ITSN1: variants seen among roughly 807,000 people sequenced by gnomAD.
ITSN1 encodes the protein intersectin-1.
A neutral mutation model predicts 239.8 loss-of-function variants in ITSN1; 58 were observed. That is an observed-to-expected ratio of 0.24 (90% CI 0.20 to 0.30). ITSN1 has a LOEUF of 0.30. Ranked by LOEUF, ITSN1 falls within the 10% of genes least tolerant of loss-of-function variation. The probability of loss-of-function intolerance (pLI) is 1.00; values close to 1 mark genes in which losing one functional copy is unlikely to be tolerated. For missense variants in ITSN1, 1,558 were observed against 2,103.3 expected (o/e 0.74, Z 5.07); for synonymous variants, 780 against 770.8 (o/e 1.01, Z -0.20).
At chr21:33,682,435 G>A (rs958809579) in intron 1 of ITSN1, among the ~76,000 whole-genome samples, 72 of 151,656 alleles carry the variant, frequency 4.7e-4, no homozygotes, top group African/African-American at 1.5e-3. Flanking sequence ...GGCTGGTCTC[G>A]AACTCCCGAC....
chr21:33,713,432 C>T (rs184936543), intron 1 of ITSN1, among the ~76,000 whole-genome samples: 3 of 151,926 alleles, frequency 2.0e-5, no homozygotes, highest in East Asian at 2.0e-4. Flanking sequence ...TTAGTAGAGA[C>T]GGGGTTTCAC....
intron 1 of ITSN1, among the ~76,000 whole-genome samples, chr21:33,710,846 G>A (rs536139298): frequency 1.2e-4 from 17 of 147,126 alleles, no homozygotes; most frequent in African/African-American, 2.0e-4. Flanking sequence ...TTGCTCCGTC[G>A]CCAGGCTGGA....
chr21:33,810,263 A>G (rs1227488842), intron 20 of ITSN1, among the ~76,000 whole-genome samples: 1 of 152,230 alleles, frequency 6.6e-6, no homozygotes, highest in African/African-American at 2.4e-5. Context: ...GGCGTAATAA[A>G]TGGCCTCTGT....
At chr21:33,877,069 T>TTTTTTTTTTTTTTG (rs1363120823) in intron 34 of ITSN1, among the ~76,000 whole-genome samples, 2 of 143,908 alleles carry the variant, frequency 1.4e-5, no homozygotes, top group Admixed American at 6.9e-5. Context: ...CTTTTTTTTT[T>TTTTTTTTTTTTTTG]TTGAAATGGA....
chr21:33,795,930 G>A (rs1457064656), intron 17 of ITSN1, among the ~76,000 whole-genome samples: 1 of 149,250 alleles, frequency 6.7e-6, no homozygotes, highest in Non-Finnish European at 1.5e-5. Flanking sequence ...ACCTTCATTG[G>A]TAGAAAATAT....
At chr21:33,755,158 G>A (rs760987556) in intron 7 of ITSN1, 139 bp from the exon 8 acceptor site, 18 of 494,240 alleles carry the variant, frequency 3.6e-5, no homozygotes, top group Non-Finnish European at 6.1e-5. Context: ...AAAATCAGAA[G>A]TAGTGATAAT....
At chr21:33,838,828 G>A (rs571301668) in intron 29 of ITSN1, among the ~76,000 whole-genome samples, 4 of 152,166 alleles carry the variant, frequency 2.6e-5, no homozygotes, top group African/African-American at 9.7e-5. Flanking sequence ...ATTTGGCTCA[G>A]GGTACAAACC....
chr21:33,858,828 C>A, intron 31 of ITSN1, 36 bp downstream of exon 31: 1 of 1,280,300 alleles, frequency 7.8e-7, no homozygotes, highest in South Asian at 1.2e-5. Flanking sequence ...CTGGCTTGGC[C>A]TCCTCGGCTC....
chr21:33,729,388 C>T (rs1216975241), intron 4 of ITSN1, among the ~76,000 whole-genome samples: 2 of 151,448 alleles, frequency 1.3e-5, no homozygotes, highest in Non-Finnish European at 2.9e-5. Context: ...TTCAAGCCTG[C>T]ATTGCGCTAT....
chr21:33,809,193 T>G (rs1255922438), intron 20 of ITSN1, among the ~76,000 whole-genome samples: 1 of 152,154 alleles, frequency 6.6e-6, no homozygotes, highest in East Asian at 1.9e-4. Flanking sequence ...CATGTGGGTG[T>G]AAGTGTGAGC....
intron 1 of ITSN1, among the ~76,000 whole-genome samples, chr21:33,660,135 C>G (rs1220339161): frequency 6.6e-6 from 1 of 152,194 alleles, no homozygotes; most frequent in South Asian, 2.1e-4. Flanking sequence ...TATTTTTTCA[C>G]TTTACTACTT....
At chr21:33,771,892 G>A in intron 11 of ITSN1, 169 bp from the exon 12 acceptor site, 1 of 669,618 alleles carries the variant, frequency 1.5e-6, no homozygotes, top group Non-Finnish European at 2.6e-6. Flanking sequence ...TAAACAGAGA[G>A]GTTAGGCAAA....
intron 1 of ITSN1, among the ~76,000 whole-genome samples, chr21:33,649,935 C>A (rs1185861754): frequency 6.7e-6 from 1 of 150,166 alleles, no homozygotes; most frequent in Admixed American, 6.7e-5. Context: ...AGAATTGCTT[C>A]AATTCCCTGC....
intron 29 of ITSN1, among the ~76,000 whole-genome samples, chr21:33,843,054 C>T (rs545304172): frequency 2.6e-5 from 4 of 152,048 alleles, no homozygotes; most frequent in Admixed American, 6.6e-5. Flanking sequence ...ATGTTCTCTG[C>T]GGATTATTCA....
In ITSN1 at chr21:33,772,251, G is replaced by A; in HGVS notation, c.1233G>A (p.Lys411=). The A allele has an allele frequency of 6.2e-7, 1 of 1,602,954 alleles. No homozygotes were observed. Among genetic ancestry groups the A allele is most frequent in the Non-Finnish European group, 8.5e-7 (1 of 1,174,396 alleles). Residue 411 remains lysine (K), a synonymous_variant, in exon 12 of 40, where the codon AAG becomes AAA. Coordinates refer to ENST00000381318, the MANE Select transcript of ITSN1 (RefSeq NM_003024.3). ...GCAAAAGACAACTGGAACTGGAGAA[G>A]CAACTGGAAAAGCAGCGGGAGCTAG... ...QERKRQLELE[K]QLEKQRELER...
intron 27 of ITSN1, 139 bp downstream of exon 27, chr21:33,829,884 A>AT: frequency 1.1e-6 from 1 of 945,858 alleles, no homozygotes; most frequent in East Asian, 2.7e-5. Context: ...GAGATGCCAA[A>AT]TTTTCTGTGT....
chr21:33,772,331 G>A lies in ITSN1; in HGVS notation c.1305+8G>A. On this transcript the variant is annotated splice_region_variant and intron_variant, in intron 12 of 39. Transcript: ENST00000381318. ...GAAATTGAGAGGCGAGAGGTAAGCA[G>A]GCGAGAGTGGAGCCACCCGGAGTTA... The A allele has an allele frequency of 6.4e-7, 1 of 1,551,192 alleles. No homozygotes were observed. The highest frequency in any genetic ancestry group is 8.7e-7 in the Non-Finnish European group (1 of 1,146,886).
chr21:33,682,397 T>C (rs2091012733), intron 1 of ITSN1, among the ~76,000 whole-genome samples: 1 of 152,106 alleles, frequency 6.6e-6, no homozygotes, highest in South Asian at 2.1e-4. Context: ...GTATTTTTGG[T>C]AGAGGCGGGG....
chr21:33,793,411 A>G (rs970973303), intron 16 of ITSN1, among the ~76,000 whole-genome samples: 1 of 152,202 alleles, frequency 6.6e-6, no homozygotes, highest in Non-Finnish European at 1.5e-5. Flanking sequence ...CCTTGGCTCT[A>G]CTGGGCACTT....
Sources: gnomAD v4.1 joint callset for allele counts (sites outside exome capture counted in the v4.1 genomes callset) on GRCh38, gnomAD v4.1.1 for gene constraint, MANE v1.5 for transcripts, NCBI Gene and HGNC (gene_info 2026-07-23, HGNC 2026-07-21) for gene names.